Variants in SGCZ observed in about 807,000 individuals in gnomAD.
SGCZ encodes the protein zeta-sarcoglycan.
In SGCZ, 40 loss-of-function variants were observed where a neutral mutation model predicts 41.3. The observed-to-expected ratio is 0.97, with a 90% CI of 0.75 to 1.26. The LOEUF is 1.26. Ranked by LOEUF, SGCZ falls within the 50% of genes most tolerant of loss-of-function variation. SGCZ has a pLI of 0.00. For synonymous variants in SGCZ, 206 were observed against 137.5 expected, an observed-to-expected ratio of 1.50 and a Z score of -3.49; for missense variants, 552 against 369.8, an observed-to-expected ratio of 1.49 and a Z score of -4.04.
intron 2 of SGCZ, among the ~76,000 whole-genome samples, chr8:14,441,308 G>A (rs1800254689): frequency 6.6e-6 from 1 of 152,208 alleles, no homozygotes; most frequent in Admixed American, 6.5e-5. Flanking sequence ...CGGGGACAGT[G>A]GCTCACGCCC....
intron 1 of SGCZ, among the ~76,000 whole-genome samples, chr8:14,825,359 T>A (rs1802265784): frequency 6.6e-6 from 1 of 152,202 alleles, no homozygotes; most frequent in Admixed American, 6.5e-5. Flanking sequence ...TACAATTTTT[T>A]AATACATGTG....
At chr8:14,623,413 C>T (rs1250404402) in intron 1 of SGCZ, among the ~76,000 whole-genome samples, 1 of 152,116 alleles carries the variant, frequency 6.6e-6, no homozygotes, top group African/African-American at 2.4e-5. Flanking sequence ...GGCAAGCATC[C>T]CGCTGTTGAA....
chr8:14,963,018 G>C (rs1044081421), intron 1 of SGCZ, among the ~76,000 whole-genome samples: 8 of 152,134 alleles, frequency 5.3e-5, no homozygotes, highest in Non-Finnish European at 4.4e-5. Context: ...TAAAGATTTG[G>C]AAAGTTTCTG....
intron 1 of SGCZ, among the ~76,000 whole-genome samples, chr8:14,987,542 G>A (rs1801864644): frequency 6.6e-6 from 1 of 151,850 alleles, no homozygotes; most frequent in African/African-American, 2.4e-5. Context: ...ACCTGACTCT[G>A]CACAGAAATC....
chr8:14,090,184 T>C lies in SGCZ; in HGVS notation c.*259A>G, dbSNP rs1801642900. ...TCGCGTAGCAAAGGCACCTATGTTA[T>C]TCTCCCTTTCGAGCAAAAGTCATGA... On this transcript the variant is annotated 3_prime_UTR_variant, in exon 8 of 8. Transcript: ENST00000382080. The C allele has an allele frequency of 3.1e-6, 1 of 320,064 alleles. No homozygotes were observed. The highest frequency in any genetic ancestry group is 5.7e-6 in the Non-Finnish European group (1 of 175,486). The allele number at this position is 320,064 out of a possible 1,614,324, so 19.8% of individuals were successfully genotyped here. A position where few individuals can be genotyped will look rare whatever the true frequency, so the allele number is the denominator to read the frequency against.
At chr8:15,226,726 A>G (rs532699149) in intron 1 of SGCZ, among the ~76,000 whole-genome samples, 7 of 152,196 alleles carry the variant, frequency 4.6e-5, no homozygotes, top group Non-Finnish European at 8.8e-5. Context: ...TAACAGTAGA[A>G]TTCACTATAA....
At chr8:14,552,928 G>A (rs1337261264) in intron 2 of SGCZ, among the ~76,000 whole-genome samples, 1 of 152,066 alleles carries the variant, frequency 6.6e-6, no homozygotes, top group Non-Finnish European at 1.5e-5. Context: ...CATCATTCAT[G>A]AGCTTTTGAA....
At chr8:14,752,163 C>A (rs1799521868) in intron 1 of SGCZ, among the ~76,000 whole-genome samples, 2 of 150,158 alleles carry the variant, frequency 1.3e-5, no homozygotes, top group South Asian at 4.2e-4. Context: ...TCATACCCTT[C>A]CTCTGGACTT....
At chr8:14,471,605 A>G (rs1462512343) in intron 2 of SGCZ, among the ~76,000 whole-genome samples, 1 of 152,078 alleles carries the variant, frequency 6.6e-6, no homozygotes, top group African/African-American at 2.4e-5. Context: ...GTATCCTATA[A>G]TTATTACCAA....
At chr8:14,610,517 T>C (rs1313270624) in intron 1 of SGCZ, among the ~76,000 whole-genome samples, 1 of 152,134 alleles carries the variant, frequency 6.6e-6, no homozygotes. Context: ...ACCCTCTTTA[T>C]GAGGGCTCTT....
chr8:14,162,124 C>T (rs1322797549), intron 5 of SGCZ, among the ~76,000 whole-genome samples: 1 of 152,078 alleles, frequency 6.6e-6, no homozygotes, highest in Non-Finnish European at 1.5e-5. Context: ...TAAGCAAAAG[C>T]AGAAAATGAA....
chr8:14,189,001 AC>A (rs1237707663), intron 4 of SGCZ, among the ~76,000 whole-genome samples: 1 of 139,518 alleles, frequency 7.2e-6, no homozygotes, highest in Non-Finnish European at 1.5e-5. Flanking sequence ...GATTACAGGC[AC>A]CTGCCACCAC....
chr8:14,908,743 C>CAAAAAAA (rs58817872), intron 1 of SGCZ, among the ~76,000 whole-genome samples: 1 of 91,102 alleles, frequency 1.1e-5, no homozygotes, highest in African/African-American at 4.1e-5. Flanking sequence ...GTCACCGTTG[C>CAAAAAAA]AAAAAAAAAA....
intron 2 of SGCZ, among the ~76,000 whole-genome samples, chr8:14,346,736 C>G (rs1241793751): frequency 6.6e-6 from 1 of 151,870 alleles, no homozygotes; most frequent in African/African-American, 2.4e-5. Context: ...ACAGACCATA[C>G]TTTAATATAT....
intron 1 of SGCZ, among the ~76,000 whole-genome samples, chr8:14,758,639 T>C (rs759613009): frequency 4.6e-5 from 7 of 152,226 alleles, no homozygotes; most frequent in Non-Finnish European, 8.8e-5. Context: ...TTGTGATTGG[T>C]GCACAGTCAA....
chr8:14,906,276 G>C lies in SGCZ; in HGVS notation c.39+331309C>G, dbSNP rs1799118952. On this transcript the variant is annotated intron_variant, in intron 1 of 7. Coordinates refer to ENST00000382080, the MANE Select transcript of SGCZ (RefSeq NM_139167.4). ...ATATGAGGATCATAATAGCTTTGTA[G>C]TCCAATAATTCTTGAGACAATATGA... Among the ~76,000 whole-genome samples, 3 of 152,078 alleles carry C rather than the reference G, an allele frequency of 2.0e-5. No homozygotes were observed. In the South Asian group the frequency reaches 6.2e-4, roughly 32 times the overall value.
chr8:14,468,628 A>G (rs1801121809), intron 2 of SGCZ, among the ~76,000 whole-genome samples: 1 of 152,134 alleles, frequency 6.6e-6, no homozygotes, highest in Non-Finnish European at 1.5e-5. Flanking sequence ...GATTTAAATA[A>G]TTATCCATTT....
intron 1 of SGCZ, among the ~76,000 whole-genome samples, chr8:15,208,894 C>CATAT (rs149822249): frequency 0.26 from 38,447 of 145,950 alleles, 5,260 homozygotes; most frequent in East Asian, 0.42. Context: ...TATCCCTATA[C>CATAT]ATATATATAG....
chr8:14,460,003 G>A (rs1373451068), intron 2 of SGCZ, among the ~76,000 whole-genome samples: 1 of 151,964 alleles, frequency 6.6e-6, no homozygotes, highest in African/African-American at 2.4e-5. Context: ...TTTATATCCT[G>A]GTGAAAAAAG....
Sources: allele counts gnomAD v4.1 joint callset (sites outside exome capture counted in the v4.1 genomes callset), GRCh38; gene constraint gnomAD v4.1.1; transcripts MANE v1.5; gene names NCBI Gene and HGNC (gene_info 2026-07-23, HGNC 2026-07-21).